DNAAF5: variants seen among roughly 807,000 people sequenced by gnomAD.
The protein encoded by DNAAF5 is HEAT repeat containing 2.
A neutral mutation model predicts 75.8 loss-of-function variants in DNAAF5; 64 were observed. That is an observed-to-expected ratio of 0.84 (90% CI 0.69 to 1.04). The LOEUF is 1.04. Ranked by LOEUF, DNAAF5 falls within the 50% of genes least tolerant of loss-of-function variation. DNAAF5 has a pLI of 0.00. For synonymous variants in DNAAF5, 657 were observed against 557.2 expected (o/e 1.18, Z -2.52); for missense variants, 1,269 against 1,178.5 (o/e 1.08, Z -1.12).
At chr7:727,761 C>T (rs1781405524) in intron 1 of DNAAF5, 2 of 122,194 alleles carry the variant, frequency 1.6e-5, no homozygotes, top group South Asian at 3.4e-4. Flanking sequence ...CCTGTGCCAT[C>T]CTCCTCCTTG....
chr7:760,390 C>T (rs1351972175), intron 6 of DNAAF5, among the ~76,000 whole-genome samples: 1 of 152,214 alleles, frequency 6.6e-6, no homozygotes, highest in Non-Finnish European at 1.5e-5. Flanking sequence ...AATATATGTA[C>T]ACTGTTGATA....
rs1444919764 is a variant in DNAAF5, at chr7:741,439, C to T, written c.998C>T (p.Pro333Leu). The T allele has an allele frequency of 6.4e-7, 1 of 1,561,600 alleles. No individual in the cohort carries two copies. Residue 333 changes from proline to leucine, a missense_variant, in exon 4 of 13, where the codon CCC becomes CTC. Pro to Leu is a moderately conservative substitution (Grantham distance 98). Coordinates refer to ENST00000297440, the MANE Select transcript of DNAAF5 (RefSeq NM_017802.4). ...AAGGACAAGCTGGACTTTGCCCCTC[C>T]CACCCCACCCCATTACCCTCCACAT... ...DLKDKLDFAP[P>L]TPPHYPPHER...
At chr7:750,357 T>C (rs1322825921) in intron 4 of DNAAF5, among the ~76,000 whole-genome samples, 1 of 152,146 alleles carries the variant, frequency 6.6e-6, no homozygotes, top group Non-Finnish European at 1.5e-5. Flanking sequence ...ATGACGTGTT[T>C]CCCAGAACGC....
chr7:740,754 C>T, intron 2 of DNAAF5, 65 bp from the exon 3 acceptor site: 2 of 1,597,394 alleles, frequency 1.3e-6, no homozygotes. Flanking sequence ...CAGAGCCGCA[C>T]CGTGGCGTCA....
chr7:774,015 T>G (rs773086818), intron 9 of DNAAF5, 33 bp from the exon 10 acceptor site: 184 of 1,613,552 alleles, frequency 1.1e-4, no homozygotes, highest in Non-Finnish European at 1.5e-4. Flanking sequence ...ACCTGTCCGG[T>G]CTCCTCATCC....
Position 785,777 on chromosome 7 carries a change from T to G in DNAAF5, c.*124T>G. On this transcript the variant is annotated 3_prime_UTR_variant, in exon 13 of 13. Coordinates refer to ENST00000297440, the MANE Select transcript of DNAAF5 (RefSeq NM_017802.4). ...GACTGTGACAGCAAGAATGTACTCC[T>G]CAGGACACCTGCCCACTCTTTCCCT... 1.8e-6 allele frequency: 2 copies of G among 1,088,658 alleles called. No individual in the cohort carries two copies. Among genetic ancestry groups the G allele is most frequent in the Non-Finnish European group, 2.6e-6 (2 of 772,684 alleles). The allele number at this position is 1,088,658 out of a possible 1,614,324, so 67.4% of individuals were successfully genotyped here. A position where few individuals can be genotyped will look rare whatever the true frequency, so the allele number is the denominator to read the frequency against.
chr7:780,114 C>T lies in DNAAF5; in HGVS notation c.2401C>T (p.Pro801Ser). The T allele has an allele frequency of 6.2e-7, 1 of 1,614,126 alleles. No individual in the cohort carries two copies. Among genetic ancestry groups the T allele is most frequent in the Non-Finnish European group, 8.5e-7 (1 of 1,180,008 alleles). ...AGAGTTGCTGGTTCACCTTGACGAT[C>T]CAGAGAGGGCCATCCAGGATGCAAT... The part of the protein sequence containing the change: ...YRELLVHLDD[P>S]ERAIQDAILE... Residue 801 changes from proline to serine, a missense_variant, in exon 12 of 13, where the codon CCA becomes TCA. Pro to Ser is a moderately conservative substitution (Grantham distance 74). Transcript: ENST00000297440.
At position 783,056 on chromosome 7, in the gene DNAAF5, G is replaced by A. The variant is rs114774231; in HGVS notation, c.2432-2461G>A. Reference sequence around the variant, plus strand: ...TGGCAGGGCCAAGCTTTGGCTCATTGTGATTTTTTGTGTGAGAGCTTGACT... The same window carrying A: ...TGGCAGGGCCAAGCTTTGGCTCATTATGATTTTTTGTGTGAGAGCTTGACT... On this transcript the variant is annotated intron_variant, in intron 12 of 12. Coordinates refer to ENST00000297440, the MANE Select transcript of DNAAF5 (RefSeq NM_017802.4). 6.2e-3 allele frequency among the ~76,000 whole-genome samples: 952 copies of A among 152,376 alleles called. 9 individuals are homozygous for A. The highest frequency in any genetic ancestry group is 0.014 in the African/African-American group (577 of 41,588).
At position 740,807 on chromosome 7, in the gene DNAAF5, T is replaced by G; in HGVS notation, c.781-12T>G. The stretch of plus-strand genomic sequence containing the variant: ...GCCTACACGAATCCTTATCCCTTCC[T>G]CTCATGCGCAGGTCCGGCGGGCGGT... On this transcript the variant is annotated splice_polypyrimidine_tract_variant and intron_variant, in intron 2 of 12. Coordinates refer to ENST00000297440, the MANE Select transcript of DNAAF5 (RefSeq NM_017802.4). 6.2e-7 allele frequency: 1 copy of G among 1,613,230 alleles called. No individual in the cohort carries two copies. Among genetic ancestry groups the G allele is most frequent in the Non-Finnish European group, 8.5e-7 (1 of 1,179,988 alleles).
chr7:737,689 A>G (rs1345580260), intron 2 of DNAAF5, among the ~76,000 whole-genome samples: 5 of 152,240 alleles, frequency 3.3e-5, no homozygotes, highest in Admixed American at 2.0e-4. Context: ...CACTGGATAC[A>G]CTAGGGTAAA....
At chr7:780,861 A>C (rs1446709800) in intron 12 of DNAAF5, among the ~76,000 whole-genome samples, 1 of 138,382 alleles carries the variant, frequency 7.2e-6, no homozygotes, top group African/African-American at 2.7e-5. Context: ...GTTGTTGGTG[A>C]ATATAATGAC....
Position 727,112 on chromosome 7 carries a change from C to T in DNAAF5, c.392C>T (p.Ala131Val). 9.0e-7 allele frequency: 1 copy of T among 1,113,080 alleles called. No homozygotes were observed. Among genetic ancestry groups the T allele is most frequent in the South Asian group, 4.1e-5 (1 of 24,490 alleles). The allele number at this position is 1,113,080 out of a possible 1,614,324, so 69.0% of individuals were successfully genotyped here. A position where few individuals can be genotyped will look rare whatever the true frequency, so the allele number is the denominator to read the frequency against. The change falls in exon 1 of 13, where the codon GCG (alanine) becomes GTG (valine). Residue 131 changes from alanine (A) to valine (V), a missense_variant. Coordinates refer to ENST00000297440, the MANE Select transcript of DNAAF5 (RefSeq NM_017802.4). ...LAARLAGPVP[A>V]RRPPEACEEL... ...GCGCGCTTGGCCGGCCCCGTGCCCG[C>T]GCGCCGCCCGCCCGAGGCCTGTGAG...
chr7:737,313 C>T (rs561375744), intron 2 of DNAAF5, among the ~76,000 whole-genome samples: 1 of 152,142 alleles, frequency 6.6e-6, no homozygotes, highest in African/African-American at 2.4e-5. Flanking sequence ...CCAGGCTTGT[C>T]TTGAACTCCT....
intron 1 of DNAAF5, among the ~76,000 whole-genome samples, chr7:729,285 G>A (rs917795853): frequency 6.6e-6 from 1 of 152,170 alleles, no homozygotes; most frequent in Non-Finnish European, 1.5e-5. Flanking sequence ...CCTCGCCTCT[G>A]TCTTCTGGGC....
chr7:733,054 T>C (rs1243698264), intron 2 of DNAAF5, among the ~76,000 whole-genome samples: 2 of 152,234 alleles, frequency 1.3e-5, no homozygotes, highest in South Asian at 2.1e-4. Context: ...CCCCAAGATA[T>C]GTCCTTGGCA....
chr7:731,682 AT>A (rs373365394), intron 2 of DNAAF5, among the ~76,000 whole-genome samples: 1,728 of 147,650 alleles, frequency 0.012, 30 homozygotes, highest in African/African-American at 0.038. Flanking sequence ...TGTTTTTGTG[AT>A]TTTTTTTTTT....
chr7:785,733 A>G lies in DNAAF5; in HGVS notation c.*80A>G. The stretch of plus-strand genomic sequence containing the variant: ...GGCCTTTAAATCTCATAAACAAGGC[A>G]CCTCTGTGCCAGCAGTGAGACTGTG... On this transcript the variant is annotated 3_prime_UTR_variant, in exon 13 of 13. Coordinates refer to ENST00000297440, the MANE Select transcript of DNAAF5 (RefSeq NM_017802.4). 6.6e-7 allele frequency: 1 copy of G among 1,521,022 alleles called. No homozygotes were observed. Among genetic ancestry groups the G allele is most frequent in the Non-Finnish European group, 8.9e-7 (1 of 1,123,418 alleles). The allele number at this position is 1,521,022 out of a possible 1,614,324, so 94.2% of individuals were successfully genotyped here. A position where few individuals can be genotyped will look rare whatever the true frequency, so the allele number is the denominator to read the frequency against.
rs1216182303 is a variant in DNAAF5 at position 780,087 on chromosome 7, C to T, written c.2374C>T (p.Arg792Ter). 2.8e-5 allele frequency: 46 copies of T among 1,614,076 alleles called. No homozygotes were observed. The highest frequency in any genetic ancestry group is 3.3e-5 in the Non-Finnish European group (39 of 1,180,022). The change falls in exon 12 of 13, where the codon CGA (arginine) becomes TGA (stop). Residue 792 changes from arginine to a stop codon, truncating the protein, a stop_gained. Transcript: ENST00000297440. LOFTEE classifies it high-confidence loss of function. ...TCAGAGCAGTGTCCAGTACCTGTAC[C>T]GAGAGTTGCTGGTTCACCTTGACGA... Reference protein sequence around the residue: ...YYQSSVQYLYRELLVHLDDPE... With the variant: ...YYQSSVQYLY
intron 9 of DNAAF5, among the ~76,000 whole-genome samples, chr7:773,481 G>A (rs1319190550): frequency 1.3e-5 from 2 of 152,128 alleles, no homozygotes; most frequent in Non-Finnish European, 2.9e-5. Context: ...CCATCAGGAC[G>A]AAGTCGCCGA....
Sources: gnomAD v4.1 joint callset for allele counts (sites outside exome capture counted in the v4.1 genomes callset) on GRCh38, gnomAD v4.1.1 for gene constraint, MANE v1.5 for transcripts, NCBI Gene and HGNC (gene_info 2026-07-23, HGNC 2026-07-21) for gene names.